The following RUNX1 variants were observed in gnomAD, a reference collection of about 807,000 sequenced individuals.
RUNX1 encodes RUNX family transcription factor 1, also known as runt-related transcription factor 1.
Under a neutral mutation model 42.8 loss-of-function variants are expected in RUNX1, and 19 were observed. The observed-to-expected ratio is 0.44, with a 90% confidence interval of 0.31 to 0.65. RUNX1 has a LOEUF of 0.65. Among genes scored for constraint, RUNX1 ranks in the 30% least tolerant of loss-of-function variants. RUNX1 has a pLI of 0.07. For synonymous variants in RUNX1, 271 were observed against 289.4 expected (o/e 0.94, Z 0.64); for missense variants, 528 against 672.0 (o/e 0.79, Z 2.37).
intron 2 of RUNX1, among the ~76,000 whole-genome samples, chr21:35,022,527 C>T (rs531333846): frequency 3.1e-4 from 47 of 152,326 alleles, no homozygotes; most frequent in African/African-American, 1.1e-3. Context: ...CACAGCAACA[C>T]TCTATGTTAG....
intron 2 of RUNX1, among the ~76,000 whole-genome samples, chr21:35,002,746 A>C (rs1469299351): frequency 6.6e-6 from 1 of 152,016 alleles, no homozygotes; most frequent in African/African-American, 2.4e-5. Context: ...TATTTTTATA[A>C]TTTCCCCTTT....
intron 2 of RUNX1, among the ~76,000 whole-genome samples, chr21:34,936,820 T>C (rs1003482184): frequency 1.1e-4 from 17 of 152,220 alleles, no homozygotes; most frequent in Non-Finnish European, 1.6e-4. Flanking sequence ...TAACATCTTC[T>C]GTAATTTCTA....
intron 6 of RUNX1, among the ~76,000 whole-genome samples, chr21:34,847,643 C>T (rs905433865): frequency 3.3e-5 from 5 of 152,162 alleles, no homozygotes; most frequent in African/African-American, 7.2e-5. Flanking sequence ...CCAGGGGAAG[C>T]TTCTAGATGC....
chr21:34,970,930 A>C (rs2058759452), intron 2 of RUNX1, among the ~76,000 whole-genome samples: 1 of 152,266 alleles, frequency 6.6e-6, no homozygotes, highest in African/African-American at 2.4e-5. Context: ...TTTGGATTGC[A>C]GTAATGGCTC....
intron 2 of RUNX1, among the ~76,000 whole-genome samples, chr21:34,913,158 G>A (rs183387673): frequency 4.6e-4 from 70 of 152,236 alleles, no homozygotes; most frequent in Middle Eastern, 3.4e-3. Flanking sequence ...GCTTGAACCC[G>A]GGAGATGGAG....
intron 2 of RUNX1, among the ~76,000 whole-genome samples, chr21:34,932,632 G>T (rs1390613190): frequency 6.6e-6 from 1 of 152,038 alleles, no homozygotes; most frequent in Non-Finnish European, 1.5e-5. Context: ...CCCTAATATT[G>T]GGGACAATAT....
chr21:34,986,211 A>G (rs910540075), intron 2 of RUNX1, among the ~76,000 whole-genome samples: 2 of 151,920 alleles, frequency 1.3e-5, no homozygotes, highest in Non-Finnish European at 2.9e-5. Flanking sequence ...GATACTGTCC[A>G]CTGTTTCACC....
At chr21:34,838,624 G>A (rs2057184744) in intron 6 of RUNX1, among the ~76,000 whole-genome samples, 1 of 152,162 alleles carries the variant, frequency 6.6e-6, no homozygotes. Context: ...CATGAATCTG[G>A]ATATAAAAAT....
At chr21:34,822,837 G>A (rs1431160253) in intron 7 of RUNX1, among the ~76,000 whole-genome samples, 7 of 152,180 alleles carry the variant, frequency 4.6e-5, no homozygotes, top group Admixed American at 2.0e-4. Context: ...ATAATCCCGC[G>A]AGACTTAATC....
rs2058427313 is a variant in RUNX1 at position 34,929,992 on chromosome 21, T to G, written c.59-37029A>C. The stretch of plus-strand genomic sequence containing the variant: ...AAAAGAATAAGATACAACTCTTTAT[T>G]TTGTAAGGACAAATGAATGACATAT... On this transcript the variant is annotated intron_variant, in intron 2 of 8. Transcript: ENST00000675419. 2.0e-5 allele frequency among the ~76,000 whole-genome samples: 3 copies of G among 151,888 alleles called. No homozygotes were observed. The South Asian group carries it at 6.2e-4, about 31-fold the overall frequency.
At chr21:34,944,850 T>C (rs1307001685) in intron 2 of RUNX1, among the ~76,000 whole-genome samples, 3 of 152,234 alleles carry the variant, frequency 2.0e-5, no homozygotes, top group African/African-American at 7.2e-5. Flanking sequence ...AAAGACAGTT[T>C]AATGTTAATA....
At chr21:34,915,742 A>G (rs2058307405) in intron 2 of RUNX1, among the ~76,000 whole-genome samples, 1 of 152,212 alleles carries the variant, frequency 6.6e-6, no homozygotes, top group Non-Finnish European at 1.5e-5. Context: ...TTTTATAATT[A>G]TCTTCAAACT....
At chr21:34,871,360 AGCGTT>A (rs746347827) in intron 5 of RUNX1, among the ~76,000 whole-genome samples, 7 of 152,214 alleles carry the variant, frequency 4.6e-5, no homozygotes, top group Non-Finnish European at 1.0e-4. Flanking sequence ...CGAATCTAGG[AGCGTT>A]GCTCTACTGT....
Position 34,907,681 on chromosome 21 carries a change from T to C in RUNX1, c.59-14718A>G, listed in dbSNP as rs1462238624. ...CTAAAATCATGCCATGTAAAAGTTA[T>C]CAAGAAAACCAATTAAATCATAACT... On this transcript the variant is annotated intron_variant, in intron 2 of 8. Transcript: ENST00000675419. This position sits in a 1 kb window ranked among gnomAD's most constrained non-coding sequence, Gnocchi z 5.3. Among the ~76,000 whole-genome samples, 3 of 152,162 alleles carry C rather than the reference T, an allele frequency of 2.0e-5. No individual in the cohort carries two copies. Among genetic ancestry groups the C allele is most frequent in the Non-Finnish European group, 4.4e-5 (3 of 68,026 alleles).
rs1871055230 is a variant in RUNX1 at position 34,823,091 on chromosome 21, C to A, written c.805+11319G>T. Among the ~76,000 whole-genome samples, 3 of 152,232 alleles carry A rather than the reference C, an allele frequency of 2.0e-5. No homozygotes were observed. The South Asian group carries it at 6.2e-4, about 32-fold the overall frequency. On this transcript the variant is annotated intron_variant, in intron 7 of 8. Transcript: ENST00000675419. ...TAAAGCCGTAAGGTAAAGAGGACAT[C>A]ATCCATAGCAGGAACTGGCAATTTA... is the stretch of plus-strand genomic sequence containing the variant.
At chr21:34,834,256 ACAGCTCCCAGGTGGTGCTGTTGGTT>A (rs746856194) in intron 7 of RUNX1, 129 bp downstream of exon 7, 1 of 793,940 alleles carries the variant, frequency 1.3e-6, no homozygotes, top group Non-Finnish European at 2.2e-6. Flanking sequence ...TGCATTTCCA[ACAGCTCCCAGGTGGTGCTGTTGGTT>A]CGAGGCCTTT....
intron 2 of RUNX1, among the ~76,000 whole-genome samples, chr21:34,970,082 T>G (rs145948421): frequency 0.014 from 2,071 of 152,354 alleles, 42 homozygotes; most frequent in African/African-American, 0.047. Context: ...AACACACTTG[T>G]TATGCATTGA....
intron 5 of RUNX1, among the ~76,000 whole-genome samples, chr21:34,867,048 A>G (rs2057672882): frequency 6.6e-6 from 1 of 152,194 alleles, no homozygotes; most frequent in South Asian, 2.1e-4. Context: ...GTTTGAGGAC[A>G]GGGACAGAAT....
At chr21:34,844,834 C>A (rs1316656317) in intron 6 of RUNX1, among the ~76,000 whole-genome samples, 1 of 152,208 alleles carries the variant, frequency 6.6e-6, no homozygotes, top group Non-Finnish European at 1.5e-5. Flanking sequence ...TCTAGGCTGG[C>A]CTTGCAAAGC....
Sources: allele counts gnomAD v4.1 joint callset (sites outside exome capture counted in the v4.1 genomes callset), GRCh38; gene constraint gnomAD v4.1.1; non-coding constraint Gnocchi (gnomAD v3.1); transcripts MANE v1.5; gene names NCBI Gene and HGNC (gene_info 2026-07-23, HGNC 2026-07-21).